Variants in PDZD9 observed in about 807,000 individuals in gnomAD.
The protein encoded by PDZD9 is PDZ domain-containing protein 9.
Under a neutral mutation model 16.3 loss-of-function variants are expected in PDZD9, and 13 were observed. The ratio of observed to expected loss-of-function variants is 0.80; its 90% confidence interval spans 0.52 to 1.27. The LOEUF is 1.27. Among genes scored for constraint, PDZD9 ranks in the 50% most tolerant of loss-of-function variants. The pLI is 0.00. For missense variants in PDZD9, 288 were observed against 310.9 expected, an observed-to-expected ratio of 0.93 and a Z score of 0.55; for synonymous variants, 120 against 111.0, an observed-to-expected ratio of 1.08 and a Z score of -0.51.
the PDZD9 span, among the ~76,000 whole-genome samples, chr16:21,969,757 C>T: frequency 6.6e-6 from 1 of 152,054 alleles, no homozygotes; most frequent in Non-Finnish European, 1.5e-5. Flanking sequence ...CAACTATTAC[C>T]ACTACCTAAT....
At chr16:21,999,719 T>G (rs1381298477) in intron 1 of PDZD9, 2 of 152,348 alleles carry the variant, frequency 1.3e-5, no homozygotes, top group African/African-American at 2.4e-5. Context: ...GATTAGAGCC[T>G]GGGCAACATA....
chr16:21,984,096 G>T lies in PDZD9; in HGVS notation c.*171C>A, dbSNP rs1597973571. 3.1e-6 allele frequency: 2 copies of T among 641,610 alleles called. No individual in the cohort carries two copies. The highest frequency in any genetic ancestry group is 5.6e-5 in the East Asian group (2 of 35,436). 39.7% of individuals were successfully genotyped at this position (641,610 alleles called of 1,614,324 possible). A position where few individuals can be genotyped will look rare whatever the true frequency, so the allele number is the denominator to read the frequency against. ...GTGAGGCCTGCAAGAACCCAAGGAA[G>T]TCTTTAGATAATCCTGTTGAAGAAC... On this transcript the variant is annotated 3_prime_UTR_variant, in exon 4 of 4. Transcript: ENST00000424898.
the PDZD9 span, among the ~76,000 whole-genome samples, chr16:21,969,645 A>C: frequency 3.3e-5 from 5 of 152,218 alleles, no homozygotes; most frequent in East Asian, 9.6e-4. Context: ...TATCATTTGT[A>C]ATATTTTTTG....
Position 21,990,803 on chromosome 16 carries a change from C to T in PDZD9, c.212-2012G>A, listed in dbSNP as rs138730078. Among the ~76,000 whole-genome samples the T allele has an allele frequency of 2.3e-4, 35 of 152,310 alleles. No homozygotes were observed. The East Asian group carries it at 6.4e-3, about 28-fold the overall frequency. ...TATCAAGAGGGCAGAAAATAAACAGCTTAATTTCCTGACCGTTCTGGCTGT... is the reference window on the plus strand; with the variant it reads ...TATCAAGAGGGCAGAAAATAAACAGTTTAATTTCCTGACCGTTCTGGCTGT... On this transcript the variant is annotated intron_variant, in intron 2 of 3. Transcript: ENST00000424898.
chr16:21,981,827 C>T (rs549267197), downstream of PDZD9, among the ~76,000 whole-genome samples: 6 of 151,336 alleles, frequency 4.0e-5, no homozygotes, highest in Admixed American at 1.3e-4. Flanking sequence ...TCGCCCCAAT[C>T]GTCATTTCAT....
intron 2 of PDZD9, among the ~76,000 whole-genome samples, chr16:21,991,773 A>G (rs775644100): frequency 6.6e-6 from 1 of 152,172 alleles, no homozygotes; most frequent in Non-Finnish European, 1.5e-5. Context: ...TCGAGATCTT[A>G]TCATCATTGT....
chr16:21,962,798 G>C, the PDZD9 span: 2 of 1,614,104 alleles, frequency 1.2e-6, no homozygotes, highest in Non-Finnish European at 1.7e-6. Flanking sequence ...TGTCACCACA[G>C]CACCAGAATT....
At chr16:21,965,975 C>T in the PDZD9 span, among the ~76,000 whole-genome samples, 1 of 152,086 alleles carries the variant, frequency 6.6e-6, no homozygotes, top group Non-Finnish European at 1.5e-5. Flanking sequence ...TGAGCCATTG[C>T]ACCCAGCCTG....
Position 21,984,324 on chromosome 16 carries a change from C to T in PDZD9, c.738G>A (p.Leu246=), listed in dbSNP as rs1468390710. ...STSSTSDAFW[L]EDCAQVEEGK... is the part of the protein sequence containing the mutation. ...CCTCTTCAACTTGGGCACAATCTTC[C>T]AGCCAAAATGCATCTGAGGTAGAGG... Residue 246 remains leucine, a synonymous_variant, in exon 4 of 4, where the codon CTG becomes CTA. Transcript: ENST00000424898. 1.9e-6 allele frequency: 3 copies of T among 1,614,046 alleles called. No homozygotes were observed. Among genetic ancestry groups the T allele is most frequent in the Middle Eastern group, 1.7e-4 (1 of 6,056 alleles).
chr16:21,958,862 G>A, the PDZD9 span, among the ~76,000 whole-genome samples: 1 of 152,090 alleles, frequency 6.6e-6, no homozygotes, highest in Non-Finnish European at 1.5e-5. Flanking sequence ...CACAATGAAG[G>A]GAATATTGCA....
At chr16:21,968,907 AT>A in the PDZD9 span, among the ~76,000 whole-genome samples, 1 of 152,224 alleles carries the variant, frequency 6.6e-6, no homozygotes, top group African/African-American at 2.4e-5. Flanking sequence ...TCTTTACAGT[AT>A]TTGTAAAACC....
At chr16:21,995,226 T>A (rs1243603049) in intron 2 of PDZD9, 1 of 458,528 alleles carries the variant, frequency 2.2e-6, no homozygotes. Flanking sequence ...GCTCCAACCA[T>A]GTAAGACATA....
At chr16:21,983,377 T>G (rs1045357823), downstream of PDZD9, 2 of 529,902 alleles carry the variant, frequency 3.8e-6, no homozygotes, top group African/African-American at 3.9e-5. Context: ...CTCAATGAGT[T>G]AATCAACAAG....
intron 2 of PDZD9, among the ~76,000 whole-genome samples, chr16:21,996,012 G>A (rs1899140325): frequency 6.6e-6 from 1 of 151,632 alleles, no homozygotes; most frequent in Admixed American, 6.6e-5. Context: ...GGCTGGTCTC[G>A]AACTCCCTAC....
the PDZD9 span, among the ~76,000 whole-genome samples, chr16:21,961,659 TATATATATA>T: frequency 9.4e-6 from 1 of 106,584 alleles, no homozygotes. Flanking sequence ...TATATATATA[TATATATATA>T]TTTTAGACAG....
chr16:21,988,576 AAG>A, intron 3 of PDZD9, 24 bp downstream of exon 3: 1 of 1,563,748 alleles, frequency 6.4e-7, no homozygotes, highest in Middle Eastern at 1.7e-4. Context: ...TATTATAACA[AAG>A]AGTTCCTAAA....
downstream of PDZD9, chr16:21,980,112 GCCTTCTCACTGACAGC>G (rs1898680903): frequency 7.4e-6 from 1 of 134,722 alleles, no homozygotes; most frequent in Non-Finnish European, 1.7e-5. Context: ...GTGGATGACA[GCCTTCTCACTGACAGC>G]AGAGAGATCT....
rs1204123579 is a variant in PDZD9 at position 21,988,650 on chromosome 16, C to T, written c.353G>A (p.Trp118Ter). Residue 118 changes from tryptophan to a stop codon, truncating the protein, a stop_gained, in exon 3 of 4, where the codon TGG becomes TAG. Coordinates refer to ENST00000424898, the MANE Select transcript of PDZD9 (RefSeq NM_001363519.1). LOFTEE classifies it low-confidence loss of function (END_TRUNC). ...AGGGATTAAATCATATATTTCTTGC[C>T]ATTCTTCAGGAATGTTAATAAAATC... ...YRDFINIPEEWQEIYDLIPEA... is the reference protein window; with the variant it reads ...YRDFINIPEE The T allele has an allele frequency of 1.2e-6, 2 of 1,613,140 alleles. No homozygotes were observed. Among genetic ancestry groups the T allele is most frequent in the Admixed American group, 1.7e-5 (1 of 59,740 alleles).
At chr16:21,980,177 C>T (rs886808269), downstream of PDZD9, 3 of 210,814 alleles carry the variant, frequency 1.4e-5, no homozygotes, top group Admixed American at 1.4e-4. Context: ...GAGCATGCTG[C>T]GACTGGCCAG....
Sources: allele counts gnomAD v4.1 joint callset (sites outside exome capture counted in the v4.1 genomes callset), GRCh38; gene constraint gnomAD v4.1.1; transcripts MANE v1.5; gene names NCBI Gene and HGNC (gene_info 2026-07-23, HGNC 2026-07-21).